COL22A1: variants seen among roughly 807,000 people sequenced by gnomAD.
The protein encoded by COL22A1 is collagen alpha-1(XXII) chain.
Under a neutral mutation model 248.9 loss-of-function variants are expected in COL22A1, and 221 were observed. The observed-to-expected ratio is 0.89, with a 90% CI of 0.80 to 0.99. COL22A1 has a LOEUF of 0.99. Among genes scored for constraint, COL22A1 ranks in the 50% least tolerant of loss-of-function variants. COL22A1 has a pLI of 0.00. For synonymous variants in COL22A1, 891 were observed against 793.4 expected, an observed-to-expected ratio of 1.12 and a Z score of -2.07; for missense variants, 2,240 against 2,179.0, an observed-to-expected ratio of 1.03 and a Z score of -0.56.
intron 39 of COL22A1, among the ~76,000 whole-genome samples, chr8:138,680,902 A>C (rs1825909821): frequency 6.6e-6 from 1 of 152,226 alleles, no homozygotes; most frequent in Non-Finnish European, 1.5e-5. Context: ...CATTTGGCCA[A>C]AGGAGCAGTA....
chr8:138,691,948 G>GCACGTC (rs1827002772), intron 35 of COL22A1, among the ~76,000 whole-genome samples: 1 of 146,834 alleles, frequency 6.8e-6, no homozygotes, highest in Non-Finnish European at 1.5e-5. Context: ...GTACGTGTGT[G>GCACGTC]CATGTTTGTG....
At chr8:138,651,566 G>A (rs1822741375) in intron 45 of COL22A1, among the ~76,000 whole-genome samples, 1 of 152,220 alleles carries the variant, frequency 6.6e-6, no homozygotes, top group African/African-American at 2.4e-5. Context: ...AAGCAAGAGT[G>A]TATGAGATAT....
chr8:138,890,217 T>C (rs7013605), intron 1 of COL22A1, among the ~76,000 whole-genome samples: 119,980 of 151,996 alleles, frequency 0.79, 48,418 homozygotes, highest in East Asian at 0.99. Context: ...AAAATAAGAC[T>C]ATAAAAAAAC....
At chr8:138,787,068 G>C (rs1348563100) in intron 12 of COL22A1, among the ~76,000 whole-genome samples, 4 of 152,190 alleles carry the variant, frequency 2.6e-5, no homozygotes, top group African/African-American at 9.7e-5. Flanking sequence ...ATAATTTGCA[G>C]ACTATGAAGT....
At chr8:138,773,309 C>A (rs558234647) in intron 16 of COL22A1, among the ~76,000 whole-genome samples, 1 of 152,116 alleles carries the variant, frequency 6.6e-6, no homozygotes, top group African/African-American at 2.4e-5. Context: ...CTGGCTGCCC[C>A]CCGAGGGACC....
chr8:138,714,392 A>G (rs1829271586), intron 30 of COL22A1, among the ~76,000 whole-genome samples: 1 of 152,100 alleles, frequency 6.6e-6, no homozygotes, highest in South Asian at 2.1e-4. Context: ...CCTGGATCCC[A>G]GTGGTCTAGT....
intron 37 of COL22A1, 56 bp downstream of exon 37, chr8:138,688,861 G>T: frequency 6.9e-7 from 1 of 1,456,722 alleles, no homozygotes. Flanking sequence ...CTCCTTCAGT[G>T]CCTGTAAGAA....
intron 3 of COL22A1, among the ~76,000 whole-genome samples, chr8:138,860,245 C>T (rs1174452192): frequency 2.0e-5 from 3 of 152,148 alleles, no homozygotes; most frequent in Non-Finnish European, 2.9e-5. Flanking sequence ...TTGATCTAAT[C>T]GATTTCTCAT....
chr8:138,706,294 A>T (rs1828439628), intron 30 of COL22A1, among the ~76,000 whole-genome samples: 1 of 152,216 alleles, frequency 6.6e-6, no homozygotes, highest in African/African-American at 2.4e-5. Context: ...GACCTAATAG[A>T]CATCTACAGA....
chr8:138,705,998 C>A (rs1284357327), intron 30 of COL22A1, among the ~76,000 whole-genome samples: 1 of 152,056 alleles, frequency 6.6e-6, no homozygotes, highest in Non-Finnish European at 1.5e-5. Flanking sequence ...TCTGATAAAA[C>A]AAAACGGACT....
intron 25 of COL22A1, 25 bp downstream of exon 25, chr8:138,724,590 C>T (rs772319222): frequency 1.2e-6 from 2 of 1,611,234 alleles, no homozygotes; most frequent in Non-Finnish European, 1.7e-6. Flanking sequence ...AGGAGGGGAG[C>T]AGGAAGATGT....
chr8:138,665,768 C>CA (rs907039081), intron 41 of COL22A1, among the ~76,000 whole-genome samples: 1 of 149,498 alleles, frequency 6.7e-6, no homozygotes, highest in African/African-American at 2.5e-5. Context: ...ATACAGGCAA[C>CA]AAAAAAGGTC....
intron 7 of COL22A1, among the ~76,000 whole-genome samples, chr8:138,820,252 G>C (rs1022386200): frequency 6.6e-6 from 1 of 152,132 alleles, no homozygotes; most frequent in African/African-American, 2.4e-5. Flanking sequence ...AAATGGTTTT[G>C]GAAAGAGCTT....
chr8:138,906,876 C>T (rs950299775), intron 1 of COL22A1, among the ~76,000 whole-genome samples: 3 of 152,208 alleles, frequency 2.0e-5, no homozygotes, highest in Non-Finnish European at 4.4e-5. Context: ...TGGTCTCGAA[C>T]TCCTGACCTC....
At position 138,594,100 on chromosome 8, in the gene COL22A1, G is replaced by A; in HGVS notation, c.4532C>T (p.Pro1511Leu). Reference protein sequence around the residue: ...PPGPPGKDGLPGRAGPMGEPG... With the variant: ...PPGPPGKDGLLGRAGPMGEPG... ...CTCCCCCATGGGGCCGGCCCGGCCT[G>A]GAAGCCCATCTTTTCCAGGGGGCCC... is the stretch of plus-strand genomic sequence containing the variant. The change falls in exon 63 of 65, where the codon CCA (proline) becomes CTA (leucine). Residue 1511 changes from proline (P) to leucine (L), a missense_variant. Transcript: ENST00000303045. 1 of 1,581,966 alleles carries A rather than the reference G, an allele frequency of 6.3e-7. No individual in the cohort carries two copies.
chr8:138,862,373 G>A (rs1287796078), intron 3 of COL22A1, among the ~76,000 whole-genome samples: 6 of 152,144 alleles, frequency 3.9e-5, no homozygotes, highest in East Asian at 1.9e-4. Flanking sequence ...GTCCTCTACC[G>A]CTTTTGTGTT....
Position 138,685,190 on chromosome 8 carries a change from C to G in COL22A1, c.2967+18G>C. ...ACCTGGTTTCTACAGGCACTGGGAC[C>G]CCCGACCTTCCACTTACCGGCTCTC... On this transcript the variant is annotated intron_variant, in intron 38 of 64. Coordinates refer to ENST00000303045, the MANE Select transcript of COL22A1 (RefSeq NM_152888.3). 2 of 1,544,034 alleles carry G rather than the reference C, an allele frequency of 1.3e-6. No individual in the cohort carries two copies. The highest frequency in any genetic ancestry group is 1.8e-6 in the Non-Finnish European group (2 of 1,122,174).
chr8:138,773,803 G>T (rs1274620711), intron 16 of COL22A1, among the ~76,000 whole-genome samples: 1 of 152,230 alleles, frequency 6.6e-6, no homozygotes, highest in African/African-American at 2.4e-5. Flanking sequence ...GACAGCCAGC[G>T]TGTGACCCCC....
At chr8:138,710,608 T>TATATAG (rs1554597162) in intron 30 of COL22A1, among the ~76,000 whole-genome samples, 6 of 149,058 alleles carry the variant, frequency 4.0e-5, no homozygotes, top group East Asian at 3.9e-4. Flanking sequence ...TCTATCTATC[T>TATATAG]ATATATATAT....
Sources: allele counts gnomAD v4.1 joint callset (sites outside exome capture counted in the v4.1 genomes callset), GRCh38; gene constraint gnomAD v4.1.1; transcripts MANE v1.5; gene names NCBI Gene and HGNC (gene_info 2026-07-23, HGNC 2026-07-21).